Variants in MIB1 observed in about 807,000 individuals in gnomAD.
The protein encoded by MIB1 is E3 ubiquitin-protein ligase MIB1.
In MIB1, 278 loss-of-function variants were observed where a neutral mutation model predicts 124.5. The ratio of observed to expected loss-of-function variants is 2.23; its 90% CI spans 2.02 to 2.47. The LOEUF is 2.47. Among genes scored for constraint, MIB1 ranks in the 30% most tolerant of loss-of-function variants. The pLI is 0.00. For missense variants in MIB1, 957 were observed against 1,254.4 expected (o/e 0.76, Z 3.58); for synonymous variants, 446 against 429.4 (o/e 1.04, Z -0.48).
intron 1 of MIB1, among the ~76,000 whole-genome samples, chr18:21,758,679 C>A (rs1193188855): frequency 6.6e-6 from 1 of 151,988 alleles, no homozygotes; most frequent in Non-Finnish European, 1.5e-5. Context: ...GGACTACAGG[C>A]GTGTGCCACC....
At chr18:21,858,347 G>GT (rs2042245862) in intron 19 of MIB1, among the ~76,000 whole-genome samples, 199 bp from the exon 20 acceptor site, 1 of 152,158 alleles carries the variant, frequency 6.6e-6, no homozygotes, top group South Asian at 2.1e-4. Context: ...TGTGCAAACT[G>GT]TTTCTTTTTG....
intron 17 of MIB1, among the ~76,000 whole-genome samples, chr18:21,849,767 G>A (rs1173492116): frequency 1.3e-5 from 2 of 152,004 alleles, no homozygotes; most frequent in Non-Finnish European, 2.9e-5. Context: ...TTCCACTTTG[G>A]ATTATAGTTA....
intron 3 of MIB1, among the ~76,000 whole-genome samples, chr18:21,773,347 C>T (rs1475499011): frequency 3.9e-5 from 6 of 152,110 alleles, no homozygotes; most frequent in African/African-American, 1.4e-4. Context: ...CTATCAAATT[C>T]TATTTTCTGA....
intron 13 of MIB1, 34 bp downstream of exon 13, chr18:21,838,531 AT>A (rs756567373): frequency 2.7e-4 from 411 of 1,515,746 alleles, no homozygotes; most frequent in South Asian, 6.1e-4. Flanking sequence ...CCTCTTTTTT[AT>A]TTTTTTTTAA....
chr18:21,754,204 G>A (rs985813911), intron 1 of MIB1, among the ~76,000 whole-genome samples: 1 of 152,090 alleles, frequency 6.6e-6, no homozygotes, highest in Non-Finnish European at 1.5e-5. Flanking sequence ...AGCTGGGATG[G>A]GATGTTGATT....
chr18:21,753,865 A>G (rs1240530155), intron 1 of MIB1, among the ~76,000 whole-genome samples: 5 of 151,860 alleles, frequency 3.3e-5, no homozygotes, highest in Non-Finnish European at 7.4e-5. Context: ...TTTATTAGAG[A>G]CAGGATTCCA....
At chr18:21,714,045 T>A (rs1449368697) in intron 1 of MIB1, among the ~76,000 whole-genome samples, 1 of 152,144 alleles carries the variant, frequency 6.6e-6, no homozygotes, top group Non-Finnish European at 1.5e-5. Context: ...TAACAAGATG[T>A]TAAGTAGTGC....
chr18:21,861,263 ATATC>A (rs2042274138), intron 20 of MIB1, among the ~76,000 whole-genome samples: 1 of 152,090 alleles, frequency 6.6e-6, no homozygotes. Flanking sequence ...AACATTTAAT[ATATC>A]TAATACATCT....
intron 1 of MIB1, among the ~76,000 whole-genome samples, chr18:21,731,319 A>T (rs1327642508): frequency 6.6e-6 from 1 of 152,184 alleles, no homozygotes; most frequent in Non-Finnish European, 1.5e-5. Flanking sequence ...AGGCTGTTGC[A>T]TGTTTCAATA....
chr18:21,727,624 C>G (rs902691997), intron 1 of MIB1, among the ~76,000 whole-genome samples: 1 of 152,112 alleles, frequency 6.6e-6, no homozygotes, highest in Non-Finnish European at 1.5e-5. Flanking sequence ...ATTAGCCAGG[C>G]ATGGTGACAC....
At chr18:21,730,971 G>T (rs2040766816) in intron 1 of MIB1, among the ~76,000 whole-genome samples, 1 of 152,148 alleles carries the variant, frequency 6.6e-6, no homozygotes, top group African/African-American at 2.4e-5. Flanking sequence ...GGGCTTTCAT[G>T]TATGTGGTCC....
At chr18:21,736,355 C>T (rs1598583740), upstream of MIB1, among the ~76,000 whole-genome samples, 1 of 151,990 alleles carries the variant, frequency 6.6e-6, no homozygotes, top group South Asian at 2.1e-4. Flanking sequence ...GGACGTCATC[C>T]GAAGGTCACC....
At chr18:21,813,745 A>C (rs150998542) in intron 10 of MIB1, among the ~76,000 whole-genome samples, 211 of 152,326 alleles carry the variant, frequency 1.4e-3, no homozygotes, top group African/African-American at 4.8e-3. Context: ...TTTCTTTGAA[A>C]GTAGTTCAGA....
intron 1 of MIB1, among the ~76,000 whole-genome samples, chr18:21,764,697 T>C (rs997309523): frequency 1.3e-5 from 2 of 151,574 alleles, no homozygotes; most frequent in East Asian, 3.9e-4. Context: ...AATCCCACTT[T>C]ACTTCCCCTC....
intron 2 of MIB1, among the ~76,000 whole-genome samples, chr18:21,768,327 C>T (rs1424818570): frequency 1.3e-5 from 2 of 152,138 alleles, no homozygotes; most frequent in Non-Finnish European, 2.9e-5. Context: ...GATAATATAG[C>T]GGTAACTTTC....
intron 20 of MIB1, among the ~76,000 whole-genome samples, chr18:21,861,279 A>G (rs925360643): frequency 6.6e-6 from 1 of 152,030 alleles, no homozygotes; most frequent in Non-Finnish European, 1.5e-5. Flanking sequence ...AATACATCTA[A>G]TATAATACAT....
chr18:21,740,691 G>A (rs770166926), upstream of MIB1, among the ~76,000 whole-genome samples: 2 of 152,240 alleles, frequency 1.3e-5, no homozygotes, highest in Non-Finnish European at 2.9e-5. Flanking sequence ...CCACCGGGCG[G>A]CAACTCCAGG....
intron 1 of MIB1, among the ~76,000 whole-genome samples, chr18:21,752,684 A>T (rs1325880486): frequency 6.6e-6 from 1 of 152,222 alleles, no homozygotes; most frequent in Admixed American, 6.5e-5. Flanking sequence ...TGGTACAGTA[A>T]ATCCGTACAA....
chr18:21,811,001 T>C (rs538091775), intron 10 of MIB1, among the ~76,000 whole-genome samples: 26 of 152,142 alleles, frequency 1.7e-4, no homozygotes, highest in African/African-American at 5.8e-4. Context: ...GATATTAAAA[T>C]CCAAAATATA....
Sources: gnomAD v4.1 joint callset for allele counts (sites outside exome capture counted in the v4.1 genomes callset) on GRCh38, gnomAD v4.1.1 for gene constraint, MANE v1.5 for transcripts, NCBI Gene and HGNC (gene_info 2026-07-23, HGNC 2026-07-21) for gene names.